Variants in PRKG1 observed in about 807,000 individuals in gnomAD.
PRKG1 encodes protein kinase cGMP-dependent 1.
A neutral mutation model predicts 88.1 loss-of-function variants in PRKG1; 35 were observed. The ratio of observed to expected loss-of-function variants is 0.40; its 90% CI spans 0.30 to 0.53. The LOEUF (loss-of-function observed/expected upper bound fraction) is 0.53. Ranked by LOEUF, PRKG1 falls within the 20% of genes least tolerant of loss-of-function variation. PRKG1 has a pLI of 0.59. For missense variants in PRKG1, 540 were observed against 839.8 expected (o/e 0.64, Z 4.41); for synonymous variants, 303 against 292.5 (o/e 1.04, Z -0.37).
chr10:51,930,484 TTTTTTTTCCTC>T (rs1842666617), intron 5 of PRKG1, among the ~76,000 whole-genome samples: 1 of 135,202 alleles, frequency 7.4e-6, no homozygotes, highest in Non-Finnish European at 1.5e-5. Context: ...AAAAGAACCT[TTTTTTTTCCTC>T]TTTTTTTTTT....
At chr10:51,751,649 G>A (rs1239805154) in intron 3 of PRKG1, among the ~76,000 whole-genome samples, 2 of 152,126 alleles carry the variant, frequency 1.3e-5, no homozygotes, top group African/African-American at 4.8e-5. Flanking sequence ...AAATTTCACT[G>A]TGCATTCTGT....
At chr10:51,393,345 C>T (rs1312707965) in intron 2 of PRKG1, among the ~76,000 whole-genome samples, 29 of 149,864 alleles carry the variant, frequency 1.9e-4, no homozygotes, top group African/African-American at 6.5e-4. Context: ...GATGGGATGG[C>T]GGCCGGGCAG....
intron 7 of PRKG1, among the ~76,000 whole-genome samples, chr10:52,068,336 C>T (rs1377724952): frequency 2.0e-5 from 3 of 151,716 alleles, no homozygotes; most frequent in Non-Finnish European, 4.4e-5. Context: ...ATATGGTAGA[C>T]CAAGTTGTAC....
chr10:52,014,617 T>C (rs1844988007), intron 5 of PRKG1, among the ~76,000 whole-genome samples: 2 of 152,184 alleles, frequency 1.3e-5, no homozygotes, highest in South Asian at 2.1e-4. Flanking sequence ...TCTTAACTCT[T>C]TCCAGCGTTA....
intron 5 of PRKG1, among the ~76,000 whole-genome samples, chr10:52,053,133 G>C (rs781042985): frequency 6.6e-6 from 1 of 152,124 alleles, no homozygotes; most frequent in Non-Finnish European, 1.5e-5. Flanking sequence ...GGATGGGTTG[G>C]TGGTTGTTAA....
At chr10:51,754,354 C>T (rs1837803782) in intron 3 of PRKG1, among the ~76,000 whole-genome samples, 1 of 152,214 alleles carries the variant, frequency 6.6e-6, no homozygotes, top group Non-Finnish European at 1.5e-5. Context: ...CATTCAGTGG[C>T]AAGGAGTCAA....
At chr10:51,822,525 T>C (rs1490650154) in intron 4 of PRKG1, among the ~76,000 whole-genome samples, 1 of 152,162 alleles carries the variant, frequency 6.6e-6, no homozygotes, top group Non-Finnish European at 1.5e-5. Flanking sequence ...GCCACATAGA[T>C]TGTCTTGTGC....
chr10:51,630,521 A>C (rs1839496601), intron 3 of PRKG1, among the ~76,000 whole-genome samples: 2 of 152,242 alleles, frequency 1.3e-5, no homozygotes, highest in African/African-American at 4.8e-5. Context: ...ATAGTTCTGC[A>C]GCTGTGCTGT....
At chr10:52,198,263 G>T (rs1839561919) in intron 9 of PRKG1, among the ~76,000 whole-genome samples, 1 of 152,082 alleles carries the variant, frequency 6.6e-6, no homozygotes, top group Non-Finnish European at 1.5e-5. Flanking sequence ...TGACTTAATT[G>T]GCATGCAGTT....
At chr10:51,565,926 A>T (rs2132157927) in intron 3 of PRKG1, among the ~76,000 whole-genome samples, 1 of 152,240 alleles carries the variant, frequency 6.6e-6, no homozygotes, top group African/African-American at 2.4e-5. Context: ...GTGTTCTTTC[A>T]AACTGGGTTC....
Position 51,970,527 on chromosome 10 carries a change from ACT to A in PRKG1, c.762+62961_762+62962del, listed in dbSNP as rs1246831504. On this transcript the variant is annotated intron_variant, in intron 5 of 17. Coordinates refer to ENST00000373980, the MANE Select transcript of PRKG1 (RefSeq NM_006258.4). ...AAAAAGAAAATAAATTGTATTATGA[ACT>A]CTCACGTATGACTCACTCAGCTTCA... Among the ~76,000 whole-genome samples the A allele has an allele frequency of 2.0e-5, 3 of 150,780 alleles. No homozygotes were observed. The South Asian group carries it at 6.2e-4, about 31-fold the overall frequency.
chr10:52,074,743 G>T (rs1376066735), intron 7 of PRKG1, among the ~76,000 whole-genome samples: 1 of 152,074 alleles, frequency 6.6e-6, no homozygotes, highest in East Asian at 1.9e-4. Flanking sequence ...ATTTTAATTG[G>T]CTAGATTCAC....
chr10:51,556,315 A>G (rs986009318), intron 3 of PRKG1, among the ~76,000 whole-genome samples: 1 of 152,096 alleles, frequency 6.6e-6, no homozygotes, highest in African/African-American at 2.4e-5. Flanking sequence ...TGTATATACT[A>G]TATGATATAA....
chr10:51,331,259 G>T (rs1841734053), intron 2 of PRKG1, among the ~76,000 whole-genome samples: 1 of 152,082 alleles, frequency 6.6e-6, no homozygotes, highest in African/African-American at 2.4e-5. Context: ...CTGCGGCCAG[G>T]ACTGCCTGCT....
chr10:52,166,574 C>T (rs1838445989), intron 9 of PRKG1, among the ~76,000 whole-genome samples: 1 of 147,690 alleles, frequency 6.8e-6, no homozygotes, highest in Non-Finnish European at 1.5e-5. Context: ...GCTGGGACTA[C>T]AGGCGCCCGC....
intron 1 of PRKG1, among the ~76,000 whole-genome samples, chr10:51,120,960 T>G (rs1051649174): frequency 6.6e-6 from 1 of 152,156 alleles, no homozygotes; most frequent in Non-Finnish European, 1.5e-5. Flanking sequence ...GGGCTGTTGT[T>G]CCTTTTTGGA....
chr10:51,997,734 TA>T (rs1170599698), intron 5 of PRKG1, among the ~76,000 whole-genome samples: 3 of 152,172 alleles, frequency 2.0e-5, no homozygotes, highest in African/African-American at 7.2e-5. Context: ...TTTGTTGGTG[TA>T]TTTTTTTGGG....
intron 2 of PRKG1, among the ~76,000 whole-genome samples, chr10:51,266,070 C>T (rs1839828578): frequency 1.3e-5 from 2 of 152,270 alleles, no homozygotes; most frequent in Admixed American, 6.5e-5. Context: ...TTAACAAGTT[C>T]TCAGGTGATG....
intron 6 of PRKG1, among the ~76,000 whole-genome samples, chr10:52,059,761 G>A (rs537436177): frequency 6.0e-4 from 91 of 151,578 alleles, no homozygotes; most frequent in African/African-American, 2.1e-3. Flanking sequence ...CAAAAAAGAA[G>A]TAAATTTTAC....
Sources: allele counts gnomAD v4.1 joint callset (sites outside exome capture counted in the v4.1 genomes callset), GRCh38; gene constraint gnomAD v4.1.1; transcripts MANE v1.5; gene names NCBI Gene and HGNC (gene_info 2026-07-23, HGNC 2026-07-21).